Variants in CASZ1 observed in about 807,000 individuals in gnomAD.
CASZ1 encodes zinc finger protein castor homolog 1.
In CASZ1, 28 loss-of-function variants were observed where a neutral mutation model predicts 135.2. The observed-to-expected ratio is 0.21, with a 90% confidence interval of 0.15 to 0.28. CASZ1 has a LOEUF of 0.28. CASZ1 is among the 10% of genes least tolerant of loss of function. The pLI is 1.00. For synonymous variants in CASZ1, 1,068 were observed against 1,073.4 expected (o/e 0.99, Z 0.10); for missense variants, 2,161 against 2,453.3 (o/e 0.88, Z 2.52).
intron 1 of CASZ1, among the ~76,000 whole-genome samples, chr1:10,765,360 A>G (rs926106062): frequency 6.6e-6 from 1 of 151,454 alleles, no homozygotes; most frequent in Non-Finnish European, 1.5e-5. Flanking sequence ...AGACGTGCAC[A>G]TTGCCCAACT....
chr1:10,721,940 G>A lies in CASZ1; in HGVS notation c.-76-16396C>T, dbSNP rs1639504634. ...GCCACTCCCACCTGTCTCTTCCTGTGTTTCTCCTGCTGTATCTTTTACCTT... is the reference window on the plus strand; with the variant it reads ...GCCACTCCCACCTGTCTCTTCCTGTATTTCTCCTGCTGTATCTTTTACCTT... On this transcript the variant is annotated intron_variant, in intron 2 of 20. Coordinates refer to ENST00000377022, the MANE Select transcript of CASZ1 (RefSeq NM_001079843.3). This position sits in a 1 kb window ranked among gnomAD's most constrained non-coding sequence, Gnocchi z 5.4. Among the ~76,000 whole-genome samples, 2 of 152,370 alleles carry A rather than the reference G, an allele frequency of 1.3e-5. No individual in the cohort carries two copies. The highest frequency in any genetic ancestry group is 4.1e-4 in the South Asian group (2 of 4,830).
intron 2 of CASZ1, among the ~76,000 whole-genome samples, chr1:10,733,189 G>A (rs1381126267): frequency 6.6e-6 from 1 of 152,200 alleles, no homozygotes; most frequent in Non-Finnish European, 1.5e-5. Flanking sequence ...CAGCACGGGG[G>A]ACTAGATGTG....
intron 1 of CASZ1, among the ~76,000 whole-genome samples, chr1:10,765,825 C>A (rs949584700): frequency 1.3e-5 from 2 of 152,160 alleles, no homozygotes; most frequent in African/African-American, 2.4e-5. Flanking sequence ...AGGGAGGGGA[C>A]CCGCACCCCA....
At position 10,721,649 on chromosome 1, in the gene CASZ1, G is replaced by A. The variant is rs1051393663; in HGVS notation, c.-76-16105C>T. ...CACGGGGGGCTGGACGAGGGTGGAG[G>A]GTACGCCAGTGACCTCCCCTCCTAA... On this transcript the variant is annotated intron_variant, in intron 2 of 20. Transcript: ENST00000377022. The surrounding 1 kb of genome is among the most constrained non-coding windows in gnomAD (Gnocchi z 5.4). 3.3e-5 allele frequency among the ~76,000 whole-genome samples: 5 copies of A among 152,154 alleles called. No homozygotes were observed. Among genetic ancestry groups the A allele is most frequent in the African/African-American group, 1.2e-4 (5 of 41,438 alleles).
chr1:10,718,222 T>C (rs930960358), intron 2 of CASZ1, among the ~76,000 whole-genome samples: 6 of 152,208 alleles, frequency 3.9e-5, no homozygotes, highest in Non-Finnish European at 7.4e-5. Context: ...TTCCGCCCTG[T>C]TGCCGTCCAC....
At chr1:10,775,040 G>A (rs113467575) in intron 1 of CASZ1, among the ~76,000 whole-genome samples, 3,161 of 151,664 alleles carry the variant, frequency 0.021, 116 homozygotes, top group African/African-American at 0.073. Flanking sequence ...GGTTGGGGCT[G>A]GAAACCGGCG....
chr1:10,769,873 G>A (rs1228932606), intron 1 of CASZ1, among the ~76,000 whole-genome samples: 1 of 152,138 alleles, frequency 6.6e-6, no homozygotes, highest in Non-Finnish European at 1.5e-5. Context: ...TTTTATATAT[G>A]GATCATTACA....
At position 10,645,087 on chromosome 1, in the gene CASZ1, T is replaced by C. The variant is rs768553130; in HGVS notation, c.3698A>G (p.His1233Arg). The change falls in exon 18 of 21, where the codon CAC (histidine) becomes CGC (arginine). Residue 1233 changes from histidine to arginine, a missense_variant and splice_region_variant. By Grantham distance (29) the His-to-Arg change is conservative. Around this residue, in one of 7 missense-constraint regions of CASZ1, gnomAD observed 349 missense variants for 460.8 expected, o/e 0.76. Transcript: ENST00000377022. ...YSLQCLCPNQ[H>R]CEFRMRGHYH... Reference sequence around the variant, plus strand: ...GTGCCCACGCATTCGGAACTCGCAGTGCTGCAGGGAGACACGGGAGGGTCA... The same window carrying C: ...GTGCCCACGCATTCGGAACTCGCAGCGCTGCAGGGAGACACGGGAGGGTCA... 1 of 1,613,528 alleles carries C rather than the reference T, an allele frequency of 6.2e-7. No homozygotes were observed. Among genetic ancestry groups the C allele is most frequent in the South Asian group, 1.1e-5 (1 of 91,068 alleles).
chr1:10,790,284 G>A (rs1171036539), intron 1 of CASZ1, among the ~76,000 whole-genome samples: 1 of 152,214 alleles, frequency 6.6e-6, no homozygotes, highest in Admixed American at 6.5e-5. Flanking sequence ...CACGTATCCC[G>A]GGCACAGGGA....
chr1:10,638,737 C>A lies in CASZ1; in HGVS notation c.*205G>T. On this transcript the variant is annotated 3_prime_UTR_variant, in exon 21 of 21. Coordinates refer to ENST00000377022, the MANE Select transcript of CASZ1 (RefSeq NM_001079843.3). This position sits in a 1 kb window ranked among gnomAD's most constrained non-coding sequence, Gnocchi z 5.9. The stretch of plus-strand genomic sequence containing the variant: ...CACCTTCTGTTTCCCTGAAGAGACC[C>A]GGCCTCCCTAGAGCAGGGCCACCGC... The A allele has an allele frequency of 3.3e-6, 1 of 302,566 alleles. No homozygotes were observed. The highest frequency in any genetic ancestry group is 4.9e-6 in the Non-Finnish European group (1 of 205,718). The allele number at this position is 302,566 out of a possible 1,614,324, so 18.7% of individuals were successfully genotyped here. A position where few individuals can be genotyped will look rare whatever the true frequency, so the allele number is the denominator to read the frequency against.
At position 10,727,436 on chromosome 1, in the gene CASZ1, A is replaced by T. The variant is rs546836692; in HGVS notation, c.-76-21892T>A. 1.7e-4 allele frequency among the ~76,000 whole-genome samples: 26 copies of T among 150,648 alleles called. 1 individual carries two copies. Among genetic ancestry groups the T allele is most frequent in the African/African-American group, 6.3e-4 (26 of 41,004 alleles). On this transcript the variant is annotated intron_variant, in intron 2 of 20. Coordinates refer to ENST00000377022, the MANE Select transcript of CASZ1 (RefSeq NM_001079843.3). The surrounding 1 kb of genome is among the most constrained non-coding windows in gnomAD (Gnocchi z 5.3). ...CCCAGCCTCCCAGAAGCTCACAAAC[A>T]CCCCAGCTCCTTGAACCCCCGGGCC...
At chr1:10,789,589 C>T (rs1640919041) in intron 1 of CASZ1, among the ~76,000 whole-genome samples, 1 of 152,012 alleles carries the variant, frequency 6.6e-6, no homozygotes, top group African/African-American at 2.4e-5. Context: ...CGCACCTTCA[C>T]TCTCTTTCTC....
intron 1 of CASZ1, among the ~76,000 whole-genome samples, chr1:10,779,921 C>T (rs923572264): frequency 1.1e-4 from 17 of 152,164 alleles, no homozygotes; most frequent in Non-Finnish European, 2.4e-4. Flanking sequence ...GCCCGAGTGA[C>T]CCAGATCACC....
intron 4 of CASZ1, among the ~76,000 whole-genome samples, chr1:10,693,497 CAAAAAAAAAAA>C (rs1172496673): frequency 6.0e-4 from 14 of 23,288 alleles, no homozygotes; most frequent in Non-Finnish European, 1.0e-3. Context: ...TTGCAGAGAA[CAAAAAAAAAAA>C]AAAAAAAAAA....
chr1:10,697,577 G>C lies in CASZ1; in HGVS notation c.-23-3665C>G, dbSNP rs940595275. Among the ~76,000 whole-genome samples the C allele has an allele frequency of 6.6e-6, 1 of 151,678 alleles. No individual in the cohort carries two copies. The highest frequency in any genetic ancestry group is 1.5e-5 in the Non-Finnish European group (1 of 67,980). ...CTGCCCTTCCTGTCACACTGCTATC[G>C]CTGGTTCCTGTTACCCCCCCCGCAC... On this transcript the variant is annotated intron_variant, in intron 3 of 20. Coordinates refer to ENST00000377022, the MANE Select transcript of CASZ1 (RefSeq NM_001079843.3). This position sits in a 1 kb window ranked among gnomAD's most constrained non-coding sequence, Gnocchi z 4.7.
Position 10,701,941 on chromosome 1 carries a change from T to A in CASZ1, c.-24+3551A>T, listed in dbSNP as rs1639070460. On this transcript the variant is annotated intron_variant, in intron 3 of 20. Transcript: ENST00000377022. This position sits in a 1 kb window ranked among gnomAD's most constrained non-coding sequence, Gnocchi z 6.3. The stretch of plus-strand genomic sequence containing the variant: ...GCCCATCCCCCGTTGGGCTGAGCCA[T>A]CCTGCCTACTGAGGCTTCTCTTGGG... 6.6e-6 allele frequency among the ~76,000 whole-genome samples: 1 copy of A among 152,202 alleles called. No homozygotes were observed. The highest frequency in any genetic ancestry group is 1.5e-5 in the Non-Finnish European group (1 of 68,014).
In CASZ1 at chr1:10,687,924, G is replaced by C. The variant is rs530003764; in HGVS notation, c.16+5950C>G. On this transcript the variant is annotated intron_variant, in intron 4 of 20. Transcript: ENST00000377022. ...AACCAGGCTCTAGAAAGCTCTCAAGGAGCTAAAACCCAGGTCCCAAGGGAA... is the reference window on the plus strand; with the variant it reads ...AACCAGGCTCTAGAAAGCTCTCAAGCAGCTAAAACCCAGGTCCCAAGGGAA... 7.6e-4 allele frequency among the ~76,000 whole-genome samples: 116 copies of C among 152,316 alleles called. 1 individual carries two copies. Among genetic ancestry groups the C allele is most frequent in the African/African-American group, 2.7e-3 (113 of 41,560 alleles).
chr1:10,655,928 CTGCTTGGG>C, intron 8 of CASZ1, 115 bp from the exon 9 acceptor site: 1 of 1,058,042 alleles, frequency 9.5e-7, no homozygotes, highest in Non-Finnish European at 1.4e-6. Flanking sequence ...AGAAAGAACC[CTGCTTGGG>C]GTCAAGGCAG....
chr1:10,639,366 G>A lies in CASZ1; in HGVS notation c.4856C>T (p.Ser1619Phe). The part of the protein sequence containing the change: ...APGPPISLDG[S>F]LSLGAEPGSL... ...GCCCGGCTCGGCGCCCAGCGACAGG[G>A]AGCCGTCCAGACTGATGGGAGGCCC... The change falls in exon 21 of 21, where the codon TCC becomes TTC. Residue 1619 changes from serine to phenylalanine, a missense_variant. Ser to Phe is a radical substitution (Grantham distance 155). This residue lies in a region of CASZ1 where 240 missense variants were observed against 321.4 expected (regional missense o/e 0.75). Coordinates refer to ENST00000377022, the MANE Select transcript of CASZ1 (RefSeq NM_001079843.3). This position sits in a 1 kb window ranked among gnomAD's most constrained non-coding sequence, Gnocchi z 4.0. The A allele has an allele frequency of 6.5e-7, 1 of 1,531,980 alleles. No individual in the cohort carries two copies. The highest frequency in any genetic ancestry group is 8.8e-7 in the Non-Finnish European group (1 of 1,141,554). 94.9% of individuals were successfully genotyped at this position (1,531,980 alleles called of 1,614,324 possible).
Sources: allele counts gnomAD v4.1 joint callset (sites outside exome capture counted in the v4.1 genomes callset), GRCh38; gene constraint gnomAD v4.1.1; regional missense constraint gnomAD v4.1.1; non-coding constraint Gnocchi (gnomAD v3.1); transcripts MANE v1.5; gene names NCBI Gene and HGNC (gene_info 2026-07-23, HGNC 2026-07-21).